The following XYLT1 variants were observed in gnomAD, a reference collection of about 807,000 sequenced individuals.
The protein encoded by XYLT1 is beta-D-xylosyltransferase 1.
A neutral mutation model predicts 91.3 loss-of-function variants in XYLT1; 36 were observed. The ratio of observed to expected loss-of-function variants is 0.39; its 90% CI spans 0.30 to 0.52. The LOEUF is 0.52. XYLT1 is among the 20% of genes least tolerant of loss of function. XYLT1 has a pLI of 0.68. For missense variants in XYLT1, 1,242 were observed against 1,284.5 expected (o/e 0.97, Z 0.51); for synonymous variants, 588 against 532.0 (o/e 1.11, Z -1.45).
intron 1 of XYLT1, among the ~76,000 whole-genome samples, chr16:17,422,976 G>C (rs2036267408): frequency 6.6e-6 from 1 of 152,194 alleles, no homozygotes; most frequent in Non-Finnish European, 1.5e-5. Context: ...TCTGCTAAGA[G>C]GCTGACTTTT....
intron 2 of XYLT1, among the ~76,000 whole-genome samples, chr16:17,316,159 CCAAACA>C (rs2034629011): frequency 6.6e-6 from 1 of 152,166 alleles, no homozygotes; most frequent in Admixed American, 6.5e-5. Context: ...GGCTGTGGAA[CCAAACA>C]GTGGAATCCA....
Position 17,103,478 on chromosome 16 carries a change from G to A in XYLT1, c.*5217C>T, listed in dbSNP as rs760188650. 12 of 152,224 alleles carry A rather than the reference G, an allele frequency of 7.9e-5. No homozygotes were observed. Among genetic ancestry groups the A allele is most frequent in the Non-Finnish European group, 1.5e-4 (10 of 68,042 alleles). The allele number at this position is 152,224 out of a possible 1,614,324, so 9.4% of individuals were successfully genotyped here. On this transcript the variant is annotated 3_prime_UTR_variant, in exon 12 of 12. Transcript: ENST00000261381. ...TTGGCAGCCCCTTCCTTAGGAGGCT[G>A]CCACAGAAGCTTCACGATGCTGTCT...
chr16:17,420,980 C>T (rs12443778), intron 1 of XYLT1, among the ~76,000 whole-genome samples: 16,018 of 152,170 alleles, frequency 0.11, 982 homozygotes, highest in Non-Finnish European at 0.15. Context: ...ACACCAAACA[C>T]GAGTCAACCA....
chr16:17,135,029 T>C (rs1037399058), intron 8 of XYLT1, among the ~76,000 whole-genome samples: 18 of 152,176 alleles, frequency 1.2e-4, no homozygotes, highest in African/African-American at 4.1e-4. Flanking sequence ...TAGATGGTAA[T>C]AGCTGGGATG....
At chr16:17,460,391 T>TA (rs1478024081) in intron 1 of XYLT1, among the ~76,000 whole-genome samples, 1 of 152,184 alleles carries the variant, frequency 6.6e-6, no homozygotes, top group Non-Finnish European at 1.5e-5. Context: ...CTCATGCTTA[T>TA]AAGAATTTGC....
chr16:17,300,923 C>T (rs139313470), intron 2 of XYLT1, among the ~76,000 whole-genome samples: 3 of 152,232 alleles, frequency 2.0e-5, no homozygotes, highest in East Asian at 3.9e-4. Flanking sequence ...ATCCATAAGA[C>T]AATTCAGATC....
At chr16:17,446,809 C>T (rs1312582864) in intron 1 of XYLT1, among the ~76,000 whole-genome samples, 1 of 151,492 alleles carries the variant, frequency 6.6e-6, no homozygotes, top group Admixed American at 6.6e-5. Context: ...GGGGAACAGC[C>T]CAACCCAACC....
intron 1 of XYLT1, among the ~76,000 whole-genome samples, chr16:17,379,908 T>G (rs2035658254): frequency 6.6e-6 from 1 of 152,144 alleles, no homozygotes; most frequent in African/African-American, 2.4e-5. Flanking sequence ...CTGAATTCTG[T>G]AGGAAGACCT....
intron 2 of XYLT1, among the ~76,000 whole-genome samples, chr16:17,265,240 T>C (rs1315694423): frequency 2.0e-5 from 3 of 152,070 alleles, no homozygotes; most frequent in South Asian, 4.2e-4. Context: ...GAAGAGTGTA[T>C]GTAAAACTAC....
At chr16:17,447,793 T>C (rs1428173291) in intron 1 of XYLT1, among the ~76,000 whole-genome samples, 4 of 152,202 alleles carry the variant, frequency 2.6e-5, no homozygotes, top group Non-Finnish European at 5.9e-5. Context: ...TAAGCCTCAA[T>C]GTCCACATTT....
In XYLT1 at chr16:17,117,857, GACGGTC is replaced by G. The variant is rs762406815; in HGVS notation, c.2340_2345del (p.Thr781_Val782del). 2 of 1,614,010 alleles carry G rather than the reference GACGGTC, an allele frequency of 1.2e-6. No individual in the cohort carries two copies. The highest frequency in any genetic ancestry group is 1.3e-5 in the African/African-American group (1 of 74,876). The stretch of plus-strand genomic sequence containing the variant: ...TGACATTGACGGGATCCACCCAAAT[GACGGTC>G]ACGGTCACATTAGGTCCCTTCCCCC... On this transcript the variant is annotated inframe_deletion, in exon 11 of 12. Coordinates refer to ENST00000261381, the MANE Select transcript of XYLT1 (RefSeq NM_022166.4).
At chr16:17,211,693 C>T (rs897981728) in intron 3 of XYLT1, among the ~76,000 whole-genome samples, 3 of 152,172 alleles carry the variant, frequency 2.0e-5, no homozygotes, top group Admixed American at 2.0e-4. Context: ...ACGTCAAATA[C>T]CATGCTCTAT....
In XYLT1 at chr16:17,470,846, G is replaced by A. The variant is rs1335993636; in HGVS notation, c.-50C>T. The A allele has an allele frequency of 1.0e-5, 10 of 982,720 alleles. No homozygotes were observed. Among genetic ancestry groups the A allele is most frequent in the Non-Finnish European group, 1.2e-5 (10 of 829,772 alleles). 60.9% of individuals were successfully genotyped at this position (982,720 alleles called of 1,614,324 possible). On this transcript the variant is annotated 5_prime_UTR_variant, in exon 1 of 12. Transcript: ENST00000261381. ...GGCGCGGGGACCCCGGCACGCTCCG[G>A]GCCGCCCCCGCGCTCCCCGCAGCTC...
intron 1 of XYLT1, among the ~76,000 whole-genome samples, chr16:17,425,372 AT>A (rs1161293155): frequency 6.6e-6 from 1 of 151,866 alleles, no homozygotes; most frequent in Non-Finnish European, 1.5e-5. Context: ...CCAAGAAACC[AT>A]TTTTCTTGGA....
In XYLT1 at chr16:17,357,956, T is replaced by C. The variant is rs141727905; in HGVS notation, c.402+56A>G. The stretch of plus-strand genomic sequence containing the variant: ...TTTCAGAGCCACGGGACAAGTCCCC[T>C]TGAGAGCTGGAATACTAAGGCTGAG... On this transcript the variant is annotated intron_variant, in intron 2 of 11. Transcript: ENST00000261381. The C allele has an allele frequency of 2.3e-5, 37 of 1,592,068 alleles. 1 individual carries two copies. The Middle Eastern group carries it at 1.0e-3, about 43-fold the overall frequency.
At chr16:17,417,271 T>C (rs927253565) in intron 1 of XYLT1, among the ~76,000 whole-genome samples, 3 of 152,210 alleles carry the variant, frequency 2.0e-5, no homozygotes, top group Admixed American at 6.5e-5. Context: ...CTATTTTACA[T>C]GGGAGAAAAA....
intron 5 of XYLT1, among the ~76,000 whole-genome samples, chr16:17,179,740 C>T (rs981678280): frequency 1.3e-5 from 2 of 152,244 alleles, no homozygotes; most frequent in Non-Finnish European, 2.9e-5. Flanking sequence ...AATATTTTCT[C>T]ATTTAAATCA....
chr16:17,429,083 G>T (rs1215082360), intron 1 of XYLT1, among the ~76,000 whole-genome samples: 1 of 152,198 alleles, frequency 6.6e-6, no homozygotes, highest in Non-Finnish European at 1.5e-5. Flanking sequence ...TCTTTGAAAA[G>T]CAGCATTTCT....
chr16:17,376,972 T>C (rs1393104531), intron 1 of XYLT1, among the ~76,000 whole-genome samples: 1 of 151,998 alleles, frequency 6.6e-6, no homozygotes, highest in Non-Finnish European at 1.5e-5. Flanking sequence ...AGGTCAGAAG[T>C]TCGAGACCAG....
Sources: gnomAD v4.1 joint callset for allele counts (sites outside exome capture counted in the v4.1 genomes callset) on GRCh38, gnomAD v4.1.1 for gene constraint, MANE v1.5 for transcripts, NCBI Gene and HGNC (gene_info 2026-07-23, HGNC 2026-07-21) for gene names.